CDK13: variants seen among roughly 807,000 people sequenced by gnomAD.
The protein encoded by CDK13 is cyclin dependent kinase 13.
A neutral mutation model predicts 137.6 loss-of-function variants in CDK13; 40 were observed. The observed-to-expected ratio is 0.29, with a 90% CI of 0.23 to 0.38. The LOEUF is 0.38. CDK13 is among the 10% of genes least tolerant of loss of function. CDK13 has a pLI of 1.00. For missense variants in CDK13, 1,704 were observed against 1,951.8 expected (o/e 0.87, Z 2.39); for synonymous variants, 869 against 760.1 (o/e 1.14, Z -2.36).
chr7:40,061,862 C>A (rs559671490), intron 7 of CDK13: 1 of 152,316 alleles, frequency 6.6e-6, no homozygotes, highest in South Asian at 2.1e-4. Flanking sequence ...TATAACTTGA[C>A]TAAATAATCT....
Position 40,088,343 on chromosome 7 carries a change from T to G in CDK13, c.3235+12T>G. Reference sequence around the variant, plus strand: ...AAATGTGGCACCTGGTCAGTAATGCTTCCATGGGTTGGTTTTCTTCACATT... The same window carrying G: ...AAATGTGGCACCTGGTCAGTAATGCGTCCATGGGTTGGTTTTCTTCACATT... On this transcript the variant is annotated intron_variant, in intron 12 of 13. Transcript: ENST00000181839. 2 of 1,599,172 alleles carry G rather than the reference T, an allele frequency of 1.3e-6. No homozygotes were observed. Among genetic ancestry groups the G allele is most frequent in the Non-Finnish European group, 1.7e-6 (2 of 1,167,446 alleles).
rs528174480 is a variant in CDK13, at chr7:39,960,066, A to G, written c.1211+8214A>G. ...AGTTGTAATGAACTTCTTGTTCTGTAAAGTTTTTTCTTTTTTTTTTTTTTC... is the reference window on the plus strand; with the variant it reads ...AGTTGTAATGAACTTCTTGTTCTGTGAAGTTTTTTCTTTTTTTTTTTTTTC... On this transcript the variant is annotated intron_variant, in intron 1 of 13. Transcript: ENST00000181839. 4.7e-4 allele frequency among the ~76,000 whole-genome samples: 59 copies of G among 125,680 alleles called. 1 individual carries two copies. In the South Asian group the frequency reaches 0.015, roughly 32 times the overall value. The allele number at this position is 125,680 out of a possible 152,430, so 82.5% of individuals were successfully genotyped here.
Position 39,951,379 on chromosome 7 carries a change from C to G in CDK13, c.738C>G (p.Ala246=). Residue 246 remains alanine, a synonymous_variant, in exon 1 of 14, where the codon GCC becomes GCG. Transcript: ENST00000181839. The part of the protein sequence containing the change: ...SHSGEERAEV[A]KSGSSSSSGG... ...GCGGCGAGGAACGGGCCGAGGTCGC[C>G]AAGAGCGGCAGCAGCAGCAGCAGCG... 6.6e-7 allele frequency: 1 copy of G among 1,520,224 alleles called. No homozygotes were observed. The highest frequency in any genetic ancestry group is 1.2e-5 in the South Asian group (1 of 82,210). The allele number at this position is 1,520,224 out of a possible 1,614,324, so 94.2% of individuals were successfully genotyped here. A position where few individuals can be genotyped will look rare whatever the true frequency, so the allele number is the denominator to read the frequency against.
At position 39,951,385 on chromosome 7, in the gene CDK13, C is replaced by A. The variant is rs1447156355; in HGVS notation, c.744C>A (p.Ser248Arg). Residue 248 changes from serine (S) to arginine (R), a missense_variant, in exon 1 of 14, where the codon AGC becomes AGA. By Grantham distance (110) the Ser-to-Arg change is moderately radical. Transcript: ENST00000181839. ...AGGAACGGGCCGAGGTCGCCAAGAG[C>A]GGCAGCAGCAGCAGCAGCGGCGGCC... Reference protein sequence around the residue: ...SGEERAEVAKSGSSSSSGGRR... With the variant: ...SGEERAEVAKRGSSSSSGGRR... 5 of 1,522,028 alleles carry A rather than the reference C, an allele frequency of 3.3e-6. No individual in the cohort carries two copies. The highest frequency in any genetic ancestry group is 4.4e-6 in the Non-Finnish European group (5 of 1,138,670). The allele number at this position is 1,522,028 out of a possible 1,614,324, so 94.3% of individuals were successfully genotyped here.
chr7:39,990,989 A>C (rs532106656), intron 2 of CDK13, among the ~76,000 whole-genome samples: 1 of 152,258 alleles, frequency 6.6e-6, no homozygotes, highest in Non-Finnish European at 1.5e-5. Context: ...TGTAACATGT[A>C]GATCCGGTGT....
At chr7:40,053,178 G>A (rs11984327) in intron 7 of CDK13, among the ~76,000 whole-genome samples, 1,810 of 152,134 alleles carry the variant, frequency 0.012, 25 homozygotes, top group African/African-American at 0.042. Context: ...AGACATTACT[G>A]CTGAATACTT....
chr7:40,016,579 A>G (rs780988965), intron 5 of CDK13, among the ~76,000 whole-genome samples: 5 of 152,166 alleles, frequency 3.3e-5, no homozygotes, highest in Non-Finnish European at 5.9e-5. Flanking sequence ...TGGGAGTACC[A>G]GGTGTTATGT....
chr7:39,960,037 T>C (rs773404), intron 1 of CDK13, among the ~76,000 whole-genome samples: 150,196 of 151,278 alleles, frequency 0.99, 74,569 homozygotes, highest in East Asian at 1. Context: ...TTTTATCTCT[T>C]CATAGTTGTA....
intron 5 of CDK13, among the ~76,000 whole-genome samples, chr7:40,009,222 C>T (rs1250197420): frequency 1.3e-5 from 2 of 152,146 alleles, no homozygotes; most frequent in African/African-American, 4.8e-5. Flanking sequence ...CTTTTATTGT[C>T]TTATTTAATA....
intron 1 of CDK13, chr7:39,984,731 T>G (rs1784300849): frequency 6.6e-6 from 1 of 152,260 alleles, no homozygotes; most frequent in African/African-American, 2.4e-5. Flanking sequence ...CCCAGCACTT[T>G]GGGAGGCCGA....
In CDK13 at chr7:40,078,140, A is replaced by G; in HGVS notation, c.2897+19A>G. 1 of 1,148,840 alleles carries G rather than the reference A, an allele frequency of 8.7e-7. No homozygotes were observed. The highest frequency in any genetic ancestry group is 1.3e-6 in the Non-Finnish European group (1 of 781,154). 71.2% of individuals were successfully genotyped at this position (1,148,840 alleles called of 1,614,324 possible). A position where few individuals can be genotyped will look rare whatever the true frequency, so the allele number is the denominator to read the frequency against. On this transcript the variant is annotated intron_variant, in intron 10 of 13. Transcript: ENST00000181839. The stretch of plus-strand genomic sequence containing the variant: ...TTGTTTTGTAAGAAGGGGATGTGTA[A>G]ACATCCTTATTGCATGAATGTTTTA...
At chr7:39,997,307 C>T (rs1784585483) in intron 2 of CDK13, among the ~76,000 whole-genome samples, 187 bp from the exon 3 acceptor site, 1 of 152,188 alleles carries the variant, frequency 6.6e-6, no homozygotes, top group African/African-American at 2.4e-5. Context: ...CATTTTTACT[C>T]CAAATTTTGC....
chr7:39,960,898 A>G (rs1436904851), intron 1 of CDK13, among the ~76,000 whole-genome samples: 2 of 152,184 alleles, frequency 1.3e-5, no homozygotes, highest in Non-Finnish European at 2.9e-5. Flanking sequence ...TTGACAAATA[A>G]TTGTATATGT....
At chr7:40,033,893 A>G (rs559990888) in intron 5 of CDK13, among the ~76,000 whole-genome samples, 2 of 152,184 alleles carry the variant, frequency 1.3e-5, no homozygotes, top group South Asian at 2.1e-4. Flanking sequence ...GGTATTGGGT[A>G]TTTCATTACC....
At chr7:39,999,577 T>C in intron 4 of CDK13, 77 bp downstream of exon 4, 1 of 1,390,858 alleles carries the variant, frequency 7.2e-7, no homozygotes, top group Non-Finnish European at 9.7e-7. Flanking sequence ...ATGTTTGGCT[T>C]CAGAAATTTT....
At chr7:40,002,219 C>T (rs571886147) in intron 5 of CDK13, 188 bp downstream of exon 5, 15 of 436,080 alleles carry the variant, frequency 3.4e-5, no homozygotes, top group South Asian at 2.3e-4. Context: ...GAGTAAACTT[C>T]GTAAAGGGTA....
chr7:40,042,232 CCAA>C (rs2150512692), intron 5 of CDK13, among the ~76,000 whole-genome samples: 1 of 152,054 alleles, frequency 6.6e-6, no homozygotes, highest in South Asian at 2.1e-4. Flanking sequence ...GCTTGTACCA[CCAA>C]GCCCAGCTAA....
chr7:40,040,916 T>G (rs776703628), intron 5 of CDK13, among the ~76,000 whole-genome samples: 1 of 152,230 alleles, frequency 6.6e-6, no homozygotes, highest in Admixed American at 6.5e-5. Context: ...AGCTTTCCTA[T>G]GTCAATTCTT....
intron 7 of CDK13, among the ~76,000 whole-genome samples, chr7:40,060,000 C>T (rs1198003802): frequency 6.6e-6 from 1 of 152,022 alleles, no homozygotes; most frequent in Non-Finnish European, 1.5e-5. Flanking sequence ...TTTTTCTGTA[C>T]AGTTAGAAAT....
Sources: allele counts gnomAD v4.1 joint callset (sites outside exome capture counted in the v4.1 genomes callset), GRCh38; gene constraint gnomAD v4.1.1; transcripts MANE v1.5; gene names NCBI Gene and HGNC (gene_info 2026-07-23, HGNC 2026-07-21).